DRC8: variants seen among roughly 807,000 people sequenced by gnomAD.
DRC8 encodes the protein dynein regulatory complex subunit 8.
the DRC8 span, among the ~76,000 whole-genome samples, chr1:245,051,015 C>T: frequency 1.3e-4 from 20 of 152,188 alleles, no homozygotes; most frequent in East Asian, 1.2e-3. Context: ...TACAGGCATG[C>T]GCCACCATAC....
the DRC8 span, among the ~76,000 whole-genome samples, chr1:245,015,364 T>G: frequency 6.6e-6 from 1 of 152,222 alleles, no homozygotes; most frequent in Admixed American, 6.5e-5. Flanking sequence ...TCTTTCTCTC[T>G]GCACCTAACA....
At chr1:245,056,966 C>T in the DRC8 span, among the ~76,000 whole-genome samples, 3 of 142,288 alleles carry the variant, frequency 2.1e-5, no homozygotes, top group Non-Finnish European at 4.6e-5. Context: ...AAACTTTAGA[C>T]AAATTGAATT....
chr1:245,045,818 C>T, the DRC8 span, among the ~76,000 whole-genome samples: 1 of 152,160 alleles, frequency 6.6e-6, no homozygotes. Context: ...CCGGAGTGAA[C>T]AAAGATGCAA....
the DRC8 span, among the ~76,000 whole-genome samples, chr1:245,094,119 A>G: frequency 3.9e-5 from 6 of 152,144 alleles, no homozygotes; most frequent in Non-Finnish European, 8.8e-5. Flanking sequence ...GGCAAAGCTC[A>G]CTGTTAATGA....
chr1:245,041,512 G>A, the DRC8 span, among the ~76,000 whole-genome samples: 1 of 152,156 alleles, frequency 6.6e-6, no homozygotes, highest in Non-Finnish European at 1.5e-5. Flanking sequence ...GCAGGCAAGA[G>A]GGAATGGTGG....
At chr1:245,087,005 T>C in the DRC8 span, 14 of 588,226 alleles carry the variant, frequency 2.4e-5, no homozygotes, top group African/African-American at 2.6e-4. Context: ...TGACGTGTTC[T>C]AGAGGTTGCT....
the DRC8 span, among the ~76,000 whole-genome samples, chr1:245,079,235 G>A: frequency 3.9e-5 from 6 of 151,982 alleles, no homozygotes; most frequent in African/African-American, 1.4e-4. Context: ...GACAGTGTTG[G>A]GTCATAGAAA....
At chr1:245,090,602 A>G in the DRC8 span, among the ~76,000 whole-genome samples, 4 of 152,204 alleles carry the variant, frequency 2.6e-5, no homozygotes, top group Non-Finnish European at 5.9e-5. Context: ...AAGTGGCTGT[A>G]TCAGCTTTTT....
the DRC8 span, among the ~76,000 whole-genome samples, chr1:245,069,374 A>G: frequency 6.6e-6 from 1 of 152,148 alleles, no homozygotes; most frequent in East Asian, 1.9e-4. Flanking sequence ...GTCATCATAA[A>G]GGTCTCGTCC....
chr1:245,100,487 A>G, the DRC8 span, among the ~76,000 whole-genome samples: 3 of 151,796 alleles, frequency 2.0e-5, no homozygotes, highest in African/African-American at 7.3e-5. Context: ...CCTTAAAAAA[A>G]TACTATACAG....
At chr1:245,060,197 C>T in the DRC8 span, among the ~76,000 whole-genome samples, 18 of 152,270 alleles carry the variant, frequency 1.2e-4, no homozygotes, top group Middle Eastern at 3.4e-3. Context: ...TTGCACCTAG[C>T]GCAGTACCTG....
At chr1:245,008,065 A>G in the DRC8 span, among the ~76,000 whole-genome samples, 1 of 152,096 alleles carries the variant, frequency 6.6e-6, no homozygotes, top group Admixed American at 6.6e-5. Context: ...AGTTCCAGCT[A>G]CTCAGGTGGC....
the DRC8 span, among the ~76,000 whole-genome samples, chr1:245,073,131 AT>A: frequency 1.3e-5 from 2 of 151,814 alleles, no homozygotes; most frequent in African/African-American, 2.4e-5. Flanking sequence ...AGCTCTATTA[AT>A]TTTTTTTGTT....
At chr1:245,100,651 C>G in the DRC8 span, among the ~76,000 whole-genome samples, 7 of 151,052 alleles carry the variant, frequency 4.6e-5, no homozygotes, top group Admixed American at 4.6e-4. Flanking sequence ...TGTGGTGGTG[C>G]ACGCCTGTAG....
At chr1:245,052,425 C>T in the DRC8 span, among the ~76,000 whole-genome samples, 1 of 152,080 alleles carries the variant, frequency 6.6e-6, no homozygotes, top group Non-Finnish European at 1.5e-5. Context: ...TGTAGATTAA[C>T]TGCCAAGCAC....
At chr1:245,101,444 CCTT>C in the DRC8 span, among the ~76,000 whole-genome samples, 2 of 152,110 alleles carry the variant, frequency 1.3e-5, no homozygotes, top group Non-Finnish European at 2.9e-5. Flanking sequence ...GGTGTTGTAT[CCTT>C]CTATCAGGAA....
chr1:244,970,849 T>C, the DRC8 span: 2 of 277,916 alleles, frequency 7.2e-6, no homozygotes, highest in Admixed American at 5.9e-5. Context: ...CGGCAGGGGG[T>C]GCTGATAATG....
chr1:245,089,216 T>A, the DRC8 span, among the ~76,000 whole-genome samples: 1 of 152,080 alleles, frequency 6.6e-6, no homozygotes, highest in East Asian at 1.9e-4. The surrounding 1 kb of genome is among the most constrained non-coding windows in gnomAD (Gnocchi z 4.8). Context: ...GGGCATTTGG[T>A]AAGCAAAATG....
the DRC8 span, among the ~76,000 whole-genome samples, chr1:244,986,541 T>G: frequency 2.0e-5 from 3 of 152,140 alleles, no homozygotes; most frequent in Non-Finnish European, 2.9e-5. Context: ...TGGAGCTTTT[T>G]AAACAGGGAA....
Sources: gnomAD v4.1 joint callset for allele counts (sites outside exome capture counted in the v4.1 genomes callset) on GRCh38, gnomAD v4.1.1 for gene constraint, Gnocchi (gnomAD v3.1) non-coding constraint, MANE v1.5 for transcripts, NCBI Gene and HGNC (gene_info 2026-07-23, HGNC 2026-07-21) for gene names.